The following RBFOX1 variants were observed in gnomAD, a reference collection of about 807,000 sequenced individuals.
RBFOX1 encodes RNA binding fox-1 homolog 1.
RBFOX1 carries 8 observed loss-of-function variants against 57.7 expected under a neutral mutation model. The observed-to-expected ratio is 0.14, with a 90% confidence interval of 0.08 to 0.25. The LOEUF (loss-of-function observed/expected upper bound fraction) is 0.25. Among genes scored for constraint, RBFOX1 ranks in the 10% least tolerant of loss-of-function variants. RBFOX1 has a pLI of 1.00. For missense variants in RBFOX1, 611 were observed against 548.5 expected (o/e 1.11, Z -1.14); for synonymous variants, 326 against 222.4 (o/e 1.47, Z -4.15).
chr16:5,346,719 C>T (rs1380528887), intron 1 of RBFOX1, among the ~76,000 whole-genome samples: 3 of 152,142 alleles, frequency 2.0e-5, no homozygotes, highest in African/African-American at 7.2e-5. Context: ...GCATGACCCT[C>T]GCTTGTGGAA....
At chr16:7,231,570 AC>A (rs1165120288) in intron 4 of RBFOX1, among the ~76,000 whole-genome samples, 2 of 152,246 alleles carry the variant, frequency 1.3e-5, no homozygotes, top group African/African-American at 4.8e-5. Flanking sequence ...AAACAGATTC[AC>A]TTGAATCCAC....
At chr16:7,318,210 TTGG>T (rs1568184433) in intron 4 of RBFOX1, among the ~76,000 whole-genome samples, 2 of 151,422 alleles carry the variant, frequency 1.3e-5, no homozygotes, top group African/African-American at 2.4e-5. Context: ...GATAGTGGTG[TTGG>T]TGGTGATGGC....
intron 4 of RBFOX1, among the ~76,000 whole-genome samples, chr16:5,929,075 C>T (rs1043060295): frequency 1.4e-4 from 21 of 148,628 alleles, no homozygotes; most frequent in African/African-American, 5.2e-4. Flanking sequence ...TATTTAAACA[C>T]ACAGTCCAGA....
intron 2 of RBFOX1, among the ~76,000 whole-genome samples, chr16:6,421,782 G>A (rs1042062593): frequency 6.6e-6 from 1 of 152,044 alleles, no homozygotes; most frequent in African/African-American, 2.4e-5. Context: ...CCTTGGCCCA[G>A]CTCTGTGCAG....
At chr16:6,371,656 A>T (rs918278265) in intron 2 of RBFOX1, among the ~76,000 whole-genome samples, 3 of 152,142 alleles carry the variant, frequency 2.0e-5, no homozygotes, top group Middle Eastern at 3.4e-3. Flanking sequence ...CCTTCCTTTG[A>T]TTGGAGAGTG....
intron 4 of RBFOX1, among the ~76,000 whole-genome samples, chr16:7,311,485 T>TC (rs1416996977): frequency 4.0e-5 from 6 of 149,978 alleles, no homozygotes; most frequent in African/African-American, 9.8e-5. Context: ...TTTCTTTTTT[T>TC]TTTTTTTTTT....
intron 15 of RBFOX1, chr16:7,709,804 T>C (rs2148610180): frequency 8.0e-7 from 1 of 1,243,134 alleles, no homozygotes; most frequent in Admixed American, 3.7e-5. Flanking sequence ...AACTTGCCTG[T>C]ACTTGTTCAA....
downstream of RBFOX1, chr16:5,601,282 C>G (rs1390404242): frequency 1.3e-5 from 2 of 152,286 alleles, no homozygotes; most frequent in African/African-American, 4.8e-5. Flanking sequence ...AGGGTCTGCA[C>G]CCAAGGTGTT....
At chr16:5,406,229 G>T (rs938231724) in intron 1 of RBFOX1, among the ~76,000 whole-genome samples, 1 of 152,120 alleles carries the variant, frequency 6.6e-6, no homozygotes, top group Admixed American at 6.5e-5. Context: ...ATGGCGGGGG[G>T]GATTTCCAGA....
intron 3 of RBFOX1, among the ~76,000 whole-genome samples, chr16:5,732,862 G>C (rs1028604371): frequency 6.6e-6 from 1 of 152,104 alleles, no homozygotes; most frequent in Non-Finnish European, 1.5e-5. Context: ...GCCAGGATGA[G>C]TGCAAAGACC....
At chr16:7,664,888 C>T (rs1334965507) in intron 12 of RBFOX1, 41 bp from the exon 13 acceptor site, 2 of 1,613,834 alleles carry the variant, frequency 1.2e-6, no homozygotes, top group Non-Finnish European at 1.7e-6. Flanking sequence ...ATGGGAAATG[C>T]ACTAATATGG....
chr16:7,520,409 C>G (rs2077284502), intron 5 of RBFOX1, among the ~76,000 whole-genome samples: 1 of 152,184 alleles, frequency 6.6e-6, no homozygotes, highest in Admixed American at 6.5e-5. Flanking sequence ...CCCATACCCA[C>G]TAAGCAGACA....
chr16:6,804,871 A>G (rs2086357000), intron 3 of RBFOX1, among the ~76,000 whole-genome samples: 2 of 152,166 alleles, frequency 1.3e-5, no homozygotes, highest in South Asian at 2.1e-4. Context: ...TCATTCTTAA[A>G]AAGGCCATGT....
chr16:7,608,897 A>C (rs1434528330), intron 10 of RBFOX1, among the ~76,000 whole-genome samples: 1 of 152,168 alleles, frequency 6.6e-6, no homozygotes, highest in Non-Finnish European at 1.5e-5. Flanking sequence ...TATGAGACAA[A>C]GAGATTCTTT....
At chr16:7,600,966 T>C (rs4035359) in intron 9 of RBFOX1, among the ~76,000 whole-genome samples, 139,117 of 152,138 alleles carry the variant, frequency 0.91, 63,897 homozygotes, top group African/African-American at 0.96. Context: ...GCTATTTCTC[T>C]GAAGGACACC....
At chr16:7,487,551 C>T (rs1474613564) in intron 4 of RBFOX1, among the ~76,000 whole-genome samples, 1 of 152,144 alleles carries the variant, frequency 6.6e-6, no homozygotes, top group Non-Finnish European at 1.5e-5. Flanking sequence ...AATGTCTTTC[C>T]ATGTTTCAGA....
At chr16:7,449,104 T>C (rs566202341) in intron 4 of RBFOX1, among the ~76,000 whole-genome samples, 2 of 152,122 alleles carry the variant, frequency 1.3e-5, no homozygotes, top group African/African-American at 4.8e-5. Flanking sequence ...TAACTTTGTA[T>C]TTTTAGTAGA....
chr16:7,512,281 G>T (rs1319904217), intron 4 of RBFOX1, among the ~76,000 whole-genome samples: 2 of 152,206 alleles, frequency 1.3e-5, no homozygotes, highest in Non-Finnish European at 2.9e-5. Flanking sequence ...GTGACCTGGA[G>T]TGGAAAAGGT....
At chr16:7,044,784 T>TA (rs1021035067) in intron 3 of RBFOX1, among the ~76,000 whole-genome samples, 18 of 152,218 alleles carry the variant, frequency 1.2e-4, no homozygotes, top group African/African-American at 4.3e-4. Flanking sequence ...GGCTAGCTTT[T>TA]AAAGAATGCA....
Sources: gnomAD v4.1 joint callset for allele counts (sites outside exome capture counted in the v4.1 genomes callset) on GRCh38, gnomAD v4.1.1 for gene constraint, MANE v1.5 for transcripts, NCBI Gene and HGNC (gene_info 2026-07-23, HGNC 2026-07-21) for gene names.